PARP2: variants seen among roughly 807,000 people sequenced by gnomAD.
PARP2 encodes the protein poly(ADP-ribose) polymerase 2, also known as poly [ADP-ribose] polymerase 2.
Under a neutral mutation model 77.8 loss-of-function variants are expected in PARP2, and 57 were observed. That is an observed-to-expected ratio of 0.73 (90% CI 0.59 to 0.91). PARP2 has a LOEUF of 0.91. Among genes scored for constraint, PARP2 ranks in the 40% least tolerant of loss-of-function variants. The pLI, the probability that PARP2 is intolerant of heterozygous loss-of-function variation, is 0.00. For synonymous variants in PARP2, 226 were observed against 242.6 expected (o/e 0.93, Z 0.64); for missense variants, 651 against 689.0 (o/e 0.94, Z 0.62).
chr14:20,345,302 T>G, intron 2 of PARP2, 92 bp from the exon 3 acceptor site: 1 of 1,215,202 alleles, frequency 8.2e-7, no homozygotes, highest in South Asian at 1.3e-5. Flanking sequence ...CAGGATTGGT[T>G]GGGCGGGCAA....
intron 4 of PARP2, among the ~76,000 whole-genome samples, chr14:20,347,633 ACC>A (rs942323252): frequency 6.9e-6 from 1 of 145,314 alleles, no homozygotes; most frequent in Admixed American, 7.0e-5. Context: ...CTGGTCTTGA[ACC>A]CCTGACCTCA....
intron 1 of PARP2, 31 bp downstream of exon 1, chr14:20,343,718 C>G (rs753824251): frequency 1.9e-5 from 31 of 1,603,628 alleles, no homozygotes; most frequent in Middle Eastern, 1.7e-4. Context: ...GGACGGCATG[C>G]GGGGGGCGGG....
At chr14:20,356,500 A>G (rs1884157855) in intron 12 of PARP2, 66 bp downstream of exon 12, 58 of 1,607,574 alleles carry the variant, frequency 3.6e-5, no homozygotes, top group Non-Finnish European at 4.9e-5. Flanking sequence ...AGAACTTATA[A>G]GAGGGAGTCA....
rs1046813886 is a variant in PARP2 at position 20,354,445 on chromosome 14, C to T, written c.763+198C>T. ...GGTGTGATGGGTCATGCCTATAATC[C>T]CAACACTTTGGGAGGCCAAGGCAGG... On this transcript the variant is annotated intron_variant, in intron 8 of 15. Coordinates refer to ENST00000429687, the MANE Select transcript of PARP2 (RefSeq NM_001042618.2). 3.3e-5 allele frequency among the ~76,000 whole-genome samples: 5 copies of T among 152,140 alleles called. No individual in the cohort carries two copies. In the East Asian group the frequency reaches 5.8e-4, roughly 18 times the overall value.
chr14:20,354,296 CCTTTAATGGATA>C (rs769928720), intron 8 of PARP2, 49 bp downstream of exon 8: 14 of 1,362,428 alleles, frequency 1.0e-5, no homozygotes, highest in Non-Finnish European at 1.4e-5. Flanking sequence ...ATTCCTAGCT[CCTTTAATGGATA>C]CTTTATTATC....
Position 20,357,816 on chromosome 14 carries a change from CCAGAGATCTGATCTT to C in PARP2, c.*22_*36del, listed in dbSNP as rs1184060108. ...GTGGTGAATGTTGATATTAAATAAA[CCAGAGATCTGATCTT>C]CAAGCAAGAAAATAAGCAGTGTTGT... On this transcript the variant is annotated 3_prime_UTR_variant, in exon 16 of 16. Transcript: ENST00000429687. 2 of 1,600,120 alleles carry C rather than the reference CCAGAGATCTGATCTT, an allele frequency of 1.2e-6. No individual in the cohort carries two copies. Among genetic ancestry groups the C allele is most frequent in the Non-Finnish European group, 1.7e-6 (2 of 1,172,606 alleles).
In PARP2 at chr14:20,354,818, C is replaced by G; in HGVS notation, c.773C>G (p.Thr258Arg). 6.2e-7 allele frequency: 1 copy of G among 1,612,468 alleles called. No homozygotes were observed. ...NTKKAPLGKL[T>R]VAQIKAGYQS... Reference sequence around the variant, plus strand: ...CTGGGTGGGCCTGCAGGGAAGCTGACAGTGGCACAAATCAAGGCAGGTTAC... The same window carrying G: ...CTGGGTGGGCCTGCAGGGAAGCTGAGAGTGGCACAAATCAAGGCAGGTTAC... Residue 258 changes from threonine (T) to arginine (R), a missense_variant, in exon 9 of 16, where the codon ACA (threonine) becomes AGA (arginine). Physicochemically the swap from Thr to Arg is moderately conservative, Grantham distance 71. Coordinates refer to ENST00000429687, the MANE Select transcript of PARP2 (RefSeq NM_001042618.2).
At chr14:20,343,739 G>C in intron 1 of PARP2, 52 bp downstream of exon 1, 3 of 1,572,072 alleles carry the variant, frequency 1.9e-6, no homozygotes, top group Non-Finnish European at 2.6e-6. Context: ...CAGTCAGAAA[G>C]GAACGATGCC....
At chr14:20,350,969 G>A in intron 5 of PARP2, 78 bp from the exon 6 acceptor site, 1 of 1,096,356 alleles carries the variant, frequency 9.1e-7, no homozygotes. Flanking sequence ...CTGTTTGTCA[G>A]ATGTTAAGCA....
At chr14:20,352,576 TGAGG>T in intron 7 of PARP2, 1 of 337,774 alleles carries the variant, frequency 3.0e-6, no homozygotes, top group Admixed American at 4.7e-5. Context: ...TTTGTAAAGA[TGAGG>T]TTTCACTATG....
At position 20,346,852 on chromosome 14, in the gene PARP2, T is replaced by C. The variant is rs202055885; in HGVS notation, c.274-11T>C. On this transcript the variant is annotated splice_polypyrimidine_tract_variant and intron_variant, in intron 3 of 15. Transcript: ENST00000429687. ...TACTAATGTTGATTTTTTCTCTCTC[T>C]CCCTTTCTAGGCTCATGTGTATTGT... is the stretch of plus-strand genomic sequence containing the variant. 1.2e-3 allele frequency: 1,915 copies of C among 1,572,384 alleles called. 3 individuals are homozygous for C. The highest frequency in any genetic ancestry group is 1.5e-3 in the Non-Finnish European group (1,717 of 1,148,438).
intron 8 of PARP2, 58 bp from the exon 9 acceptor site, chr14:20,354,751 A>T: frequency 6.6e-7 from 1 of 1,504,198 alleles, no homozygotes; most frequent in East Asian, 2.3e-5. Context: ...AAGGATGTTA[A>T]GTACAGTTCA....
At chr14:20,345,808 G>T (rs1048948871) in intron 3 of PARP2, among the ~76,000 whole-genome samples, 1 of 152,106 alleles carries the variant, frequency 6.6e-6, no homozygotes, top group African/African-American at 2.4e-5. Context: ...ATGGCAGAAG[G>T]TGAAGCGGGA....
chr14:20,356,237 C>A (rs919568070), intron 11 of PARP2, 70 bp from the exon 12 acceptor site: 17 of 1,557,168 alleles, frequency 1.1e-5, no homozygotes, highest in Admixed American at 7.3e-5. Flanking sequence ...ATATCAGAAT[C>A]CCCAAATTCT....
Position 20,347,354 on chromosome 14 carries a change from G to GTGTGTGTGTA in PARP2, c.324+444_324+445insGTGTGTATGT, listed in dbSNP as rs1435294191. ...TGCCTAAAGTCCTTCATATGTGTGT[G>GTGTGTGTGTA]TGTATATATATATATATATATATAT... On this transcript the variant is annotated intron_variant, in intron 4 of 15. Transcript: ENST00000429687. 2.3e-3 allele frequency among the ~76,000 whole-genome samples: 103 copies of GTGTGTGTGTA among 43,926 alleles called. 1 individual carries two copies. Among genetic ancestry groups the GTGTGTGTGTA allele is most frequent in the Non-Finnish European group, 3.0e-3 (87 of 28,678 alleles). 28.8% of individuals were successfully genotyped at this position (43,926 alleles called of 152,430 possible).
At chr14:20,344,218 C>G (rs879206700) in intron 1 of PARP2, 1 of 153,294 alleles carries the variant, frequency 6.5e-6, no homozygotes, top group Admixed American at 6.5e-5. Flanking sequence ...AGGAAGAGAT[C>G]AAATACTTCT....
At chr14:20,353,787 ACGT>A (rs1376578618) in intron 7 of PARP2, among the ~76,000 whole-genome samples, 1 of 152,194 alleles carries the variant, frequency 6.6e-6, no homozygotes, top group Non-Finnish European at 1.5e-5. Context: ...TTACACACTG[ACGT>A]CATGAGGAAA....
At chr14:20,347,483 T>G (rs1460977450) in intron 4 of PARP2, among the ~76,000 whole-genome samples, 2 of 127,648 alleles carry the variant, frequency 1.6e-5, no homozygotes, top group Non-Finnish European at 3.2e-5. Context: ...TGGTGCAATC[T>G]CGGCTCACTG....
chr14:20,357,269 A>G, intron 14 of PARP2, 120 bp downstream of exon 14: 1 of 1,332,666 alleles, frequency 7.5e-7, no homozygotes, highest in East Asian at 2.3e-5. Flanking sequence ...GACCAAGTAC[A>G]ATTTCTAGTA....
Sources: allele counts gnomAD v4.1 joint callset (sites outside exome capture counted in the v4.1 genomes callset), GRCh38; gene constraint gnomAD v4.1.1; transcripts MANE v1.5; gene names NCBI Gene and HGNC (gene_info 2026-07-23, HGNC 2026-07-21).